Variants in BIRC6 observed in about 807,000 individuals in gnomAD.
The protein encoded by BIRC6 is dual E2 ubiquitin-conjugating enzyme/E3 ubiquitin-protein ligase BIRC6.
In BIRC6, 98 loss-of-function variants were observed where a neutral mutation model predicts 503.3. That is an observed-to-expected ratio of 0.19 (90% CI 0.17 to 0.23). The LOEUF (loss-of-function observed/expected upper bound fraction) is 0.23, where lower values mean the gene tolerates loss of function less well. BIRC6 is among the 10% of genes least tolerant of loss of function. BIRC6 has a pLI of 1.00. For missense variants in BIRC6, 5,360 were observed against 5,806.0 expected (o/e 0.92, Z 2.50); for synonymous variants, 2,240 against 2,078.7 (o/e 1.08, Z -2.11).
chr2:32,553,604 G>T (rs897980644), intron 65 of BIRC6, among the ~76,000 whole-genome samples: 3 of 151,890 alleles, frequency 2.0e-5, no homozygotes, highest in Non-Finnish European at 2.9e-5. Flanking sequence ...TGGCCAGGCC[G>T]GTCTCGAACT....
chr2:32,560,143 T>TA (rs1440676326), intron 65 of BIRC6, among the ~76,000 whole-genome samples: 3 of 152,232 alleles, frequency 2.0e-5, no homozygotes, highest in Admixed American at 2.0e-4. Flanking sequence ...CTTACGTAAC[T>TA]AATGGTTGTC....
At chr2:32,435,656 A>G (rs1033165117) in intron 14 of BIRC6, 71 bp downstream of exon 14, 1 of 1,437,292 alleles carries the variant, frequency 7.0e-7, no homozygotes, top group African/African-American at 1.4e-5. Context: ...CATGTCGGGC[A>G]AGATTTCCTT....
At chr2:32,465,573 A>T (rs2148903669) in intron 26 of BIRC6, among the ~76,000 whole-genome samples, 1 of 152,284 alleles carries the variant, frequency 6.6e-6, no homozygotes, top group East Asian at 1.9e-4. Flanking sequence ...ATAATAACAT[A>T]TCCTAGGCTC....
At chr2:32,545,122 A>G (rs542067187) in intron 62 of BIRC6, among the ~76,000 whole-genome samples, 1 of 152,248 alleles carries the variant, frequency 6.6e-6, no homozygotes, top group African/African-American at 2.4e-5. Flanking sequence ...ATTAAAAAGG[A>G]TAGTTATGAT....
intron 6 of BIRC6, among the ~76,000 whole-genome samples, chr2:32,399,278 G>T (rs916579345): frequency 6.6e-6 from 1 of 152,136 alleles, no homozygotes; most frequent in Non-Finnish European, 1.5e-5. Flanking sequence ...TAGAGATGGG[G>T]TTTCCCCATG....
At chr2:32,368,830 T>C (rs1425247851) in intron 1 of BIRC6, among the ~76,000 whole-genome samples, 1 of 152,108 alleles carries the variant, frequency 6.6e-6, no homozygotes, top group Non-Finnish European at 1.5e-5. Context: ...TTTAGTACTT[T>C]TAATAGAGAC....
Position 32,479,484 on chromosome 2 carries a change from C to T in BIRC6, c.7275C>T (p.Ala2425=), listed in dbSNP as rs760693182. 3.0e-5 allele frequency: 48 copies of T among 1,601,972 alleles called. No homozygotes were observed. The highest frequency in any genetic ancestry group is 1.1e-4 in the African/African-American group (8 of 74,682). The change falls in exon 37 of 74, where the codon GCC becomes GCT. Residue 2425 remains alanine, a synonymous_variant. Transcript: ENST00000421745. Reference sequence around the variant, plus strand: ...CAGGAGAATTACTGGCTCCAGTAGCCGCAGAAGCCATGGAGGAAGGAACAG... The same window carrying T: ...CAGGAGAATTACTGGCTCCAGTAGCTGCAGAAGCCATGGAGGAAGGAACAG... ...ILAGELLAPV[A]AEAMEEGTVG...
intron 70 of BIRC6, among the ~76,000 whole-genome samples, chr2:32,601,770 G>T (rs947229139): frequency 1.1e-4 from 16 of 152,272 alleles, no homozygotes; most frequent in African/African-American, 3.4e-4. Context: ...AGTGTCCCCA[G>T]TTCTCTTCCT....
chr2:32,540,696 G>A (rs1383990266), intron 61 of BIRC6, among the ~76,000 whole-genome samples: 1 of 151,882 alleles, frequency 6.6e-6, no homozygotes, highest in African/African-American at 2.4e-5. Context: ...TCTACTGTTT[G>A]GTGCTTTTGC....
intron 3 of BIRC6, among the ~76,000 whole-genome samples, chr2:32,388,380 CAAAA>C (rs560533546): frequency 1.1e-5 from 1 of 94,448 alleles, no homozygotes; most frequent in Non-Finnish European, 2.1e-5. Context: ...GACTCCGTCT[CAAAA>C]AAAAAAAAAA....
chr2:32,613,644 C>G (rs750880911), intron 73 of BIRC6, among the ~76,000 whole-genome samples: 2 of 152,084 alleles, frequency 1.3e-5, no homozygotes, highest in African/African-American at 4.8e-5. Flanking sequence ...AGTGAGCCAC[C>G]GCGCCCCGCC....
At chr2:32,593,776 G>A in intron 66 of BIRC6, 139 bp from the exon 67 acceptor site, 1 of 654,620 alleles carries the variant, frequency 1.5e-6, no homozygotes, top group Admixed American at 3.5e-5. Context: ...ACTAGCCAGT[G>A]GCTTCAAAAG....
At chr2:32,498,253 C>T (rs779865939) in intron 45 of BIRC6, among the ~76,000 whole-genome samples, 1 of 151,984 alleles carries the variant, frequency 6.6e-6, no homozygotes, top group Non-Finnish European at 1.5e-5. Flanking sequence ...ATTTTGTAGG[C>T]GTAGTTTCAC....
chr2:32,360,457 G>T (rs892298062), intron 1 of BIRC6, among the ~76,000 whole-genome samples: 1 of 152,176 alleles, frequency 6.6e-6, no homozygotes, highest in African/African-American at 2.4e-5. Context: ...GCTCTGAGCT[G>T]CGTGATCTGG....
chr2:32,605,159 A>G (rs1573332532), intron 71 of BIRC6, among the ~76,000 whole-genome samples: 2 of 152,288 alleles, frequency 1.3e-5, no homozygotes, highest in Admixed American at 1.3e-4. Flanking sequence ...TTAGGATTAC[A>G]GGCGTTAGCC....
chr2:32,590,432 G>T (rs919736671), intron 66 of BIRC6, among the ~76,000 whole-genome samples: 2 of 152,186 alleles, frequency 1.3e-5, no homozygotes, highest in Non-Finnish European at 2.9e-5. Context: ...ATTTAGGAGT[G>T]CAAAGGGTTA....
At chr2:32,559,177 C>G (rs560859825) in intron 65 of BIRC6, among the ~76,000 whole-genome samples, 1 of 152,368 alleles carries the variant, frequency 6.6e-6, no homozygotes, top group African/African-American at 2.4e-5. Flanking sequence ...ACACCCGCAT[C>G]TGTAGCTGTT....
At chr2:32,408,992 A>G (rs2149877856) in intron 9 of BIRC6, among the ~76,000 whole-genome samples, 1 of 152,304 alleles carries the variant, frequency 6.6e-6, no homozygotes, top group South Asian at 2.1e-4. Flanking sequence ...TTTGATATTA[A>G]TGATTGGTGT....
At chr2:32,523,565 T>G (rs1299256721) in intron 57 of BIRC6, 1 of 152,230 alleles carries the variant, frequency 6.6e-6, no homozygotes, top group East Asian at 1.9e-4. Context: ...GTTATGTGTA[T>G]AAAATTTTTT....
Sources: allele counts gnomAD v4.1 joint callset (sites outside exome capture counted in the v4.1 genomes callset), GRCh38; gene constraint gnomAD v4.1.1; transcripts MANE v1.5; gene names NCBI Gene and HGNC (gene_info 2026-07-23, HGNC 2026-07-21).